The following MYO1H variants were observed in gnomAD, a reference collection of about 807,000 sequenced individuals.
MYO1H encodes myosin IH, also known as unconventional myosin-Ih.
A neutral mutation model predicts 149.3 loss-of-function variants in MYO1H; 118 were observed. That is an observed-to-expected ratio of 0.79 (90% CI 0.68 to 0.92). The LOEUF (loss-of-function observed/expected upper bound fraction) is 0.92. MYO1H is among the 40% of genes least tolerant of loss of function. The probability of loss-of-function intolerance (pLI) is 0.00; values close to 1 mark genes in which losing one functional copy is unlikely to be tolerated. For synonymous variants in MYO1H, 447 were observed against 465.2 expected (o/e 0.96, Z 0.50); for missense variants, 1,212 against 1,280.7 (o/e 0.95, Z 0.82).
chr12:109,378,334 T>TATTTA lies in MYO1H; in HGVS notation c.13-10349_13-10348insATTTA, dbSNP rs200108972. On this transcript the variant is annotated intron_variant, in intron 1 of 31. Transcript: ENST00000310903. ...TTTCTTTTTTATTTATTTATTTATTTTTTTGAGATAAGGTCTCACTCTTTT... is the reference window on the plus strand; with the variant it reads ...TTTCTTTTTTATTTATTTATTTATTTATTTATTTTGAGATAAGGTCTCACTCTTTT... Among the ~76,000 whole-genome samples, 8 of 152,022 alleles carry TATTTA rather than the reference T, an allele frequency of 5.3e-5. No homozygotes were observed. The South Asian group carries it at 6.2e-4, about 12-fold the overall frequency.
chr12:109,365,068 C>G (rs2137009391), intron 1 of MYO1H, among the ~76,000 whole-genome samples: 1 of 152,250 alleles, frequency 6.6e-6, no homozygotes, highest in Non-Finnish European at 1.5e-5. Context: ...GCTAGGAGAT[C>G]AAGTCCAGCC....
chr12:109,409,820 T>A, intron 11 of MYO1H, 143 bp from the exon 12 acceptor site: 1 of 669,266 alleles, frequency 1.5e-6, no homozygotes, highest in South Asian at 2.2e-5. Flanking sequence ...CACTTGACTC[T>A]TATGATCTAT....
chr12:109,389,607 C>G (rs1395743541), intron 2 of MYO1H, among the ~76,000 whole-genome samples: 1 of 152,168 alleles, frequency 6.6e-6, no homozygotes, highest in Non-Finnish European at 1.5e-5. Flanking sequence ...CTTGTCACAT[C>G]TAGTTTTTAT....
In MYO1H at chr12:109,445,966, G is replaced by A. The variant is rs573779875; in HGVS notation, c.3093+354G>A. The A allele has an allele frequency of 1.9e-5, 19 of 985,364 alleles. No individual in the cohort carries two copies. In the East Asian group the frequency reaches 3.4e-4, roughly 18 times the overall value. The allele number at this position is 985,364 out of a possible 1,614,324, so 61.0% of individuals were successfully genotyped here. A position where few individuals can be genotyped will look rare whatever the true frequency, so the allele number is the denominator to read the frequency against. On this transcript the variant is annotated intron_variant, in intron 31 of 31. Transcript: ENST00000310903. ...CTTCCCCCCACGTGGAAATCAATGCGCTTGTGTCCCACCCAGATACTGAGA... is the reference window on the plus strand; with the variant it reads ...CTTCCCCCCACGTGGAAATCAATGCACTTGTGTCCCACCCAGATACTGAGA...
the MYO1H span, among the ~76,000 whole-genome samples, chr12:109,330,541 A>G: frequency 6.6e-5 from 10 of 152,138 alleles, no homozygotes; most frequent in Admixed American, 1.3e-4. Context: ...TGAGTGACCC[A>G]TGCTTTGTTG....
the MYO1H span, among the ~76,000 whole-genome samples, chr12:109,330,084 G>A: frequency 6.6e-6 from 1 of 152,128 alleles, no homozygotes; most frequent in African/African-American, 2.4e-5. Flanking sequence ...CAATCAAATC[G>A]GGAGTCTAGT....
chr12:109,409,246 C>CTTTTTTTTTTTTTTTTTTTTTTTTTTTT (rs66507410), intron 10 of MYO1H, among the ~76,000 whole-genome samples: 3 of 47,840 alleles, frequency 6.3e-5, no homozygotes, highest in African/African-American at 1.5e-4. Context: ...TCTTCTTCTT[C>CTTTTTTTTTTTTTTTTTTTTTTTTTTTT]TTTTTTTTTT....
chr12:109,387,696 C>T (rs1470031460), intron 1 of MYO1H, among the ~76,000 whole-genome samples: 1 of 152,330 alleles, frequency 6.6e-6, no homozygotes, highest in African/African-American at 2.4e-5. Context: ...GTGCCCAGAG[C>T]ACATAGTCTC....
rs1236100062 is a variant in MYO1H, at chr12:109,410,723, CTG to C, written c.1368_1369del (p.Cys456Ter). 1.9e-6 allele frequency: 3 copies of C among 1,602,516 alleles called. No homozygotes were observed. Among genetic ancestry groups the C allele is most frequent in the Non-Finnish European group, 2.6e-6 (3 of 1,171,910 alleles). ...TTAAATATTTCAACAACAAGATCAT[CTG>C]TGATTTGGTAGAAGAGAGACATAAA... On this transcript the variant is annotated frameshift_variant, in exon 13 of 32. Coordinates refer to ENST00000310903, the Ensembl canonical transcript of MYO1H. LOFTEE classifies it high-confidence loss of function.
At chr12:109,359,770 A>C (rs899806403) in intron 1 of MYO1H, among the ~76,000 whole-genome samples, 2 of 152,328 alleles carry the variant, frequency 1.3e-5, no homozygotes, top group South Asian at 2.1e-4. Flanking sequence ...CTTTGTGCGG[A>C]CCTGTTTCAA....
intron 9 of MYO1H, 73 bp from the exon 10 acceptor site, chr12:109,407,719 GAA>G: frequency 7.1e-7 from 1 of 1,413,804 alleles, no homozygotes; most frequent in Non-Finnish European, 9.4e-7. Flanking sequence ...TTTTTTTTAA[GAA>G]AAAAGACTTC....
the MYO1H span, among the ~76,000 whole-genome samples, chr12:109,328,978 C>G: frequency 6.6e-6 from 1 of 151,590 alleles, no homozygotes; most frequent in East Asian, 1.9e-4. Context: ...ACTTTTGTTC[C>G]TAACAGTTGT....
exon 15 of MYO1H, chr12:109,415,557 A>G: frequency 2.5e-6 from 4 of 1,608,542 alleles, no homozygotes; most frequent in Non-Finnish European, 3.4e-6. Context: ...GGGCCGAAAG[A>G]GGATTGGCTG....
At chr12:109,396,576 G>A in exon 4 of MYO1H, 1 of 1,610,732 alleles carries the variant, frequency 6.2e-7, no homozygotes, top group East Asian at 2.2e-5. Context: ...CCAACCCAGT[G>A]CTGGAGGTAA....
chr12:109,381,981 C>G (rs190855686), intron 1 of MYO1H, among the ~76,000 whole-genome samples: 16 of 152,302 alleles, frequency 1.1e-4, no homozygotes, highest in African/African-American at 3.4e-4. Context: ...TCCTGCCTTT[C>G]CCTTGCAAAC....
intron 15 of MYO1H, among the ~76,000 whole-genome samples, chr12:109,418,617 C>T (rs894504769): frequency 2.0e-5 from 3 of 151,928 alleles, no homozygotes; most frequent in African/African-American, 7.3e-5. Context: ...GGCAAGATCT[C>T]GGCTCACTGC....
At chr12:109,445,352 C>A in intron 30 of MYO1H, 161 bp from the exon 31 acceptor site, 2 of 593,712 alleles carry the variant, frequency 3.4e-6, no homozygotes, top group Non-Finnish European at 5.7e-6. Flanking sequence ...GCTGTGGCAA[C>A]AGCATTCTTC....
chr12:109,393,567 C>CCATT (rs1310110157), intron 3 of MYO1H, 121 bp downstream of exon 3: 15 of 671,602 alleles, frequency 2.2e-5, no homozygotes, highest in African/African-American at 1.6e-4. Context: ...ATCCATCCAT[C>CCATT]CATCCATCCG....
At chr12:109,410,839 G>A (rs1000187556) in intron 13 of MYO1H, 71 bp downstream of exon 13, 6 of 1,090,058 alleles carry the variant, frequency 5.5e-6, no homozygotes, top group Non-Finnish European at 8.1e-6. Flanking sequence ...CTTTTTCCCA[G>A]GCTTAAAAAG....
Sources: gnomAD v4.1 joint callset for allele counts (sites outside exome capture counted in the v4.1 genomes callset) on GRCh38, gnomAD v4.1.1 for gene constraint, MANE v1.5 for transcripts, NCBI Gene and HGNC (gene_info 2026-07-23, HGNC 2026-07-21) for gene names.